SHOX2: variants seen among roughly 807,000 people sequenced by gnomAD.
SHOX2 encodes the protein SHOX homeobox 2.
In SHOX2, 13 loss-of-function variants were observed where a neutral mutation model predicts 31.3. That is an observed-to-expected ratio of 0.42 (90% CI 0.27 to 0.66). The LOEUF is 0.66. SHOX2 is among the 30% of genes least tolerant of loss of function. SHOX2 has a pLI of 0.27. For missense variants in SHOX2, 473 were observed against 443.0 expected (o/e 1.07, Z -0.61); for synonymous variants, 244 against 196.2 (o/e 1.24, Z -2.04).
chr3:158,101,772 A>G (rs1377437920), intron 2 of SHOX2, among the ~76,000 whole-genome samples: 1 of 152,200 alleles, frequency 6.6e-6, no homozygotes, highest in Non-Finnish European at 1.5e-5. Flanking sequence ...AATAATAACT[A>G]TCATTTTATT....
chr3:158,104,972 T>TA (rs1553754742), intron 1 of SHOX2: 1 of 791,320 alleles, frequency 1.3e-6, no homozygotes, highest in Non-Finnish European at 2.1e-6. Context: ...GAGAACCGAG[T>TA]ACTGGGTGAT....
Position 158,100,242 on chromosome 3 carries a change from T to C in SHOX2, c.613+12A>G. On this transcript the variant is annotated intron_variant, in intron 3 of 4. Transcript: ENST00000483851. ...CTCAGACTATCAAATGTTCCTTGTA[T>C]AAGAAGCATACCTTTATGGAGTTGA... 1 of 1,572,066 alleles carries C rather than the reference T, an allele frequency of 6.4e-7. No individual in the cohort carries two copies. Among genetic ancestry groups the C allele is most frequent in the South Asian group, 1.2e-5 (1 of 85,064 alleles).
At chr3:158,104,148 G>C (rs1713698084) in intron 1 of SHOX2, 2 of 152,422 alleles carry the variant, frequency 1.3e-5, no homozygotes, top group South Asian at 4.1e-4. Flanking sequence ...CCGGTCTGCA[G>C]AGAAATTAAT....
chr3:158,104,998 A>C (rs1056779165), intron 1 of SHOX2: 4 of 893,908 alleles, frequency 4.5e-6, no homozygotes, highest in Non-Finnish European at 7.1e-6. Flanking sequence ...ACACTAAAGG[A>C]ATTGTGTAAA....
chr3:158,096,630 A>T lies in SHOX2; in HGVS notation c.*1397T>A, dbSNP rs1185113018. 6.6e-6 allele frequency: 1 copy of T among 152,320 alleles called. No homozygotes were observed. Among genetic ancestry groups the T allele is most frequent in the East Asian group, 1.9e-4 (1 of 5,176 alleles). The allele number at this position is 152,320 out of a possible 1,614,324, so 9.4% of individuals were successfully genotyped here. ...TGACGGGATAGAGAGGGGGAAATAA[A>T]CCACTGTCTTCAAATAGGACTTCAG... On this transcript the variant is annotated 3_prime_UTR_variant, in exon 5 of 5. Coordinates refer to ENST00000483851, the MANE Select transcript of SHOX2 (RefSeq NM_001163678.2).
chr3:158,099,872 C>A lies in SHOX2; in HGVS notation c.690G>T (p.Met230Ile). The change falls in exon 4 of 5, where the codon ATG becomes ATT. Residue 230 changes from methionine to isoleucine, a missense_variant. Physicochemically the swap from Met to Ile is conservative, Grantham distance 10. Around this residue, in one of 3 missense-constraint regions of SHOX2, gnomAD observed 182 missense variants for 167.2 expected, o/e 1.09. Transcript: ENST00000483851. ...APYVNVGALR[M>I]PFQQVQAQLQ... ...AGGCTGTACTTGCCTGCTGAAATGG[C>A]ATCCTTAAAGCACCTACGTTGACAT... 1 of 1,613,792 alleles carries A rather than the reference C, an allele frequency of 6.2e-7. No individual in the cohort carries two copies. The highest frequency in any genetic ancestry group is 1.1e-5 in the South Asian group (1 of 91,056).
rs779563559 is a variant in SHOX2, at chr3:158,097,982, G to A, written c.*45C>T. 6.4e-7 allele frequency: 1 copy of A among 1,551,360 alleles called. No individual in the cohort carries two copies. The highest frequency in any genetic ancestry group is 2.3e-5 in the East Asian group (1 of 44,284). On this transcript the variant is annotated 3_prime_UTR_variant, in exon 5 of 5. Transcript: ENST00000483851. ...GCAGCGGGGCGCGGAGGGCGTGCAG[G>A]CTGAGTGCCGCGGGACAGGCGCGAC...
chr3:158,103,270 G>A lies in SHOX2; in HGVS notation c.347-384C>T. 2 of 312,590 alleles carry A rather than the reference G, an allele frequency of 6.4e-6. 1 individual carries two copies. The highest frequency in any genetic ancestry group is 5.8e-5 in the South Asian group (2 of 34,448). 19.4% of individuals were successfully genotyped at this position (312,590 alleles called of 1,614,324 possible). A position where few individuals can be genotyped will look rare whatever the true frequency, so the allele number is the denominator to read the frequency against. The stretch of plus-strand genomic sequence containing the variant: ...CGCAGCACTCACAGAAATCAAAGGC[G>A]CAGCGCCAGGCCTCTCACAGAGCAA... On this transcript the variant is annotated intron_variant, in intron 1 of 4. Transcript: ENST00000483851.
At position 158,105,847 on chromosome 3, in the gene SHOX2, C is replaced by G; in HGVS notation, c.178G>C (p.Gly60Arg). 1.4e-6 allele frequency: 2 copies of G among 1,443,106 alleles called. No homozygotes were observed. The highest frequency in any genetic ancestry group is 1.8e-6 in the Non-Finnish European group (2 of 1,102,762). The allele number at this position is 1,443,106 out of a possible 1,614,324, so 89.4% of individuals were successfully genotyped here. The change falls in exon 1 of 5, where the codon GGC becomes CGC. Residue 60 changes from glycine to arginine, a missense_variant. Coordinates refer to ENST00000483851, the MANE Select transcript of SHOX2 (RefSeq NM_001163678.2). ...CCGCCTCCTCCGCCGCCGCCTCCGCCGGCCGCCCGGACTGCCGGGCTGCTG... is the reference window on the plus strand; with the variant it reads ...CCGCCTCCTCCGCCGCCGCCTCCGCGGGCCGCCCGGACTGCCGGGCTGCTG... ...DRSSPAVRAA[G>R]GGGGGGGGGG...
At chr3:158,102,654 C>T (rs1022740620) in intron 2 of SHOX2, 24 bp downstream of exon 2, 5 of 1,610,564 alleles carry the variant, frequency 3.1e-6, no homozygotes, top group African/African-American at 2.7e-5. Context: ...TCCCTGGGCC[C>T]TCGACCTCCT....
intron 3 of SHOX2, 44 bp from the exon 4 acceptor site, chr3:158,099,992 T>A: frequency 6.5e-7 from 1 of 1,549,058 alleles, no homozygotes; most frequent in Non-Finnish European, 8.9e-7. Context: ...TTAACGTTTG[T>A]AGCATTTTTC....
chr3:158,100,020 A>T, intron 3 of SHOX2, 72 bp from the exon 4 acceptor site: 5 of 1,279,750 alleles, frequency 3.9e-6, no homozygotes, highest in Non-Finnish European at 4.5e-6. Context: ...CAAAGGGTAC[A>T]AGACAGAACG....
At chr3:158,099,814 A>G in intron 4 of SHOX2, 46 bp downstream of exon 4, 3 of 1,353,310 alleles carry the variant, frequency 2.2e-6, no homozygotes, top group Non-Finnish European at 3.2e-6. Context: ...GCAAACATTC[A>G]GGTATTTTCA....
chr3:158,105,159 TA>T, intron 1 of SHOX2: 1 of 1,402,532 alleles, frequency 7.1e-7, no homozygotes, highest in Non-Finnish European at 9.9e-7. Flanking sequence ...TTTTGGCCCC[TA>T]AGATCCAAAG....
At chr3:158,104,262 C>T (rs1713708645) in intron 1 of SHOX2, 1 of 152,300 alleles carries the variant, frequency 6.6e-6, no homozygotes, top group Non-Finnish European at 1.5e-5. Flanking sequence ...TAGTTCGGGC[C>T]TGTAGTTGTG....
rs543609595 is a variant in SHOX2, at chr3:158,099,003, G to A, written c.703-719C>T. Among the ~76,000 whole-genome samples, 5 of 152,246 alleles carry A rather than the reference G, an allele frequency of 3.3e-5. No homozygotes were observed. In the South Asian group the frequency reaches 1.0e-3, roughly 32 times the overall value. Reference sequence around the variant, plus strand: ...TGTTTCCAAAGCCAAGCATCAGGATGCCAGAGTCCTGTGGCACCAAGAGAG... The same window carrying A: ...TGTTTCCAAAGCCAAGCATCAGGATACCAGAGTCCTGTGGCACCAAGAGAG... On this transcript the variant is annotated intron_variant, in intron 4 of 4. Transcript: ENST00000483851.
At chr3:158,099,370 T>C (rs920530873) in intron 4 of SHOX2, among the ~76,000 whole-genome samples, 1 of 152,262 alleles carries the variant, frequency 6.6e-6, no homozygotes. Flanking sequence ...TGAAGCTTTG[T>C]TTGCAGAAAC....
At chr3:158,098,475 C>G (rs1375227211) in intron 4 of SHOX2, among the ~76,000 whole-genome samples, 191 bp from the exon 5 acceptor site, 1 of 152,334 alleles carries the variant, frequency 6.6e-6, no homozygotes, top group East Asian at 1.9e-4. Context: ...TGGGGTTCCA[C>G]ATGGATACTC....
rs371067880 is a variant in SHOX2, at chr3:158,097,660, AT to A, written c.*366del. ...TGCTCATTTTTTCATTGTTAACAAG[AT>A]TTTTTTTTCTATGCAAGAGTCCATC... On this transcript the variant is annotated 3_prime_UTR_variant, in exon 5 of 5. Transcript: ENST00000483851. The A allele has an allele frequency of 8.4e-5, 17 of 201,658 alleles. No homozygotes were observed. The highest frequency in any genetic ancestry group is 2.2e-4 in the East Asian group (2 of 8,964). The allele number at this position is 201,658 out of a possible 1,614,324, so 12.5% of individuals were successfully genotyped here. A position where few individuals can be genotyped will look rare whatever the true frequency, so the allele number is the denominator to read the frequency against.
Sources: allele counts gnomAD v4.1 joint callset (sites outside exome capture counted in the v4.1 genomes callset), GRCh38; gene constraint gnomAD v4.1.1; regional missense constraint gnomAD v4.1.1; transcripts MANE v1.5; gene names NCBI Gene and HGNC (gene_info 2026-07-23, HGNC 2026-07-21).